The following KANK4 variants were observed in gnomAD, a reference collection of about 807,000 sequenced individuals.
KANK4 encodes the protein KN motif and ankyrin repeat domain-containing protein 4.
In KANK4, 50 loss-of-function variants were observed where a neutral mutation model predicts 80.8. The observed-to-expected ratio is 0.62, with a 90% CI of 0.49 to 0.78. The LOEUF (loss-of-function observed/expected upper bound fraction) is 0.78, where lower values mean the gene tolerates loss of function less well. KANK4 is among the 30% of genes least tolerant of loss of function. The probability of loss-of-function intolerance (pLI) is 0.00; values close to 1 mark genes in which losing one functional copy is unlikely to be tolerated. For synonymous variants in KANK4, 465 were observed against 506.9 expected (o/e 0.92, Z 1.11); for missense variants, 1,196 against 1,240.1 (o/e 0.96, Z 0.53).
chr1:62,306,456 T>G (rs1644451757), intron 1 of KANK4, among the ~76,000 whole-genome samples: 1 of 152,320 alleles, frequency 6.6e-6, no homozygotes, highest in East Asian at 1.9e-4. Context: ...TAAGAATATG[T>G]AGTTACATAT....
chr1:62,248,377 C>CT (rs555727301), intron 8 of KANK4, among the ~76,000 whole-genome samples: 113 of 151,806 alleles, frequency 7.4e-4, no homozygotes, highest in South Asian at 5.2e-3. Context: ...TTTTTCTTTT[C>CT]TTTTTTTTGA....
chr1:62,246,469 G>A (rs1168979771), intron 9 of KANK4, among the ~76,000 whole-genome samples: 1 of 152,212 alleles, frequency 6.6e-6, no homozygotes, highest in Non-Finnish European at 1.5e-5. Context: ...TTATTGCCAT[G>A]ACCAGATGAG....
intron 1 of KANK4, among the ~76,000 whole-genome samples, chr1:62,316,836 T>C (rs954075265): frequency 6.6e-6 from 1 of 152,172 alleles, no homozygotes; most frequent in African/African-American, 2.4e-5. Flanking sequence ...GCCCTGTTTT[T>C]AAGGTGCTCA....
chr1:62,270,960 A>C (rs1672147893), intron 4 of KANK4, among the ~76,000 whole-genome samples: 1 of 152,194 alleles, frequency 6.6e-6, no homozygotes, highest in South Asian at 2.1e-4. Flanking sequence ...ATGTTTGTTG[A>C]ATGACTGATT....
chr1:62,245,670 G>T (rs1187675116), intron 9 of KANK4, among the ~76,000 whole-genome samples: 3 of 152,130 alleles, frequency 2.0e-5, no homozygotes, highest in African/African-American at 7.2e-5. Flanking sequence ...AACATCTCCA[G>T]GCCTGTTTTC....
In KANK4 at chr1:62,247,461, G is replaced by A; in HGVS notation, c.2883+11C>T. ...AGCAACAGCTACTTGTTAATTGCCT[G>A]TAAGTCTCACCTTGTCAGTCAGGCT... On this transcript the variant is annotated intron_variant, in intron 9 of 9. Transcript: ENST00000371153. 6.2e-7 allele frequency: 1 copy of A among 1,613,268 alleles called. No individual in the cohort carries two copies. Among genetic ancestry groups the A allele is most frequent in the Non-Finnish European group, 8.5e-7 (1 of 1,179,750 alleles).
chr1:62,308,507 G>A (rs1259398033), intron 1 of KANK4, among the ~76,000 whole-genome samples: 1 of 152,000 alleles, frequency 6.6e-6, no homozygotes, highest in Admixed American at 6.6e-5. Context: ...TCCTGCTCCT[G>A]ATCTCTCTCC....
intron 1 of KANK4, chr1:62,298,002 G>A (rs528645253): frequency 7.9e-5 from 12 of 152,304 alleles, no homozygotes; most frequent in African/African-American, 2.4e-4. Flanking sequence ...TCTCTAGGCA[G>A]GGCAGGAGGA....
chr1:62,250,235 G>T (rs112116932), intron 8 of KANK4, among the ~76,000 whole-genome samples: 4 of 150,910 alleles, frequency 2.7e-5, no homozygotes, highest in South Asian at 4.2e-4. Context: ...TGATCAGCCC[G>T]CCTCGGCCTC....
Position 62,252,101 on chromosome 1 carries a change from A to G in KANK4, c.2682+966T>C, listed in dbSNP as rs112443669. Among the ~76,000 whole-genome samples the G allele has an allele frequency of 8.0e-3, 1,220 of 152,276 alleles. 10 individuals carry two copies. The highest frequency in any genetic ancestry group is 0.028 in the African/African-American group (1,149 of 41,564). On this transcript the variant is annotated intron_variant, in intron 8 of 9. Coordinates refer to ENST00000371153, the MANE Select transcript of KANK4 (RefSeq NM_181712.5). ...ACTTTGGTAGTGCATGAGTTTCCTG[A>G]CACTGGAGGTCCTGGAGCTGGAGAC...
chr1:62,250,547 AG>A (rs1471717391), intron 8 of KANK4, among the ~76,000 whole-genome samples: 1 of 152,144 alleles, frequency 6.6e-6, no homozygotes, highest in Non-Finnish European at 1.5e-5. Context: ...GTGAAGGCCC[AG>A]GGGGAGCTAA....
chr1:62,273,795 G>A lies in KANK4; in HGVS notation c.1309C>T (p.Leu437=), dbSNP rs1672231661. 1 of 1,614,102 alleles carries A rather than the reference G, an allele frequency of 6.2e-7. No individual in the cohort carries two copies. Among genetic ancestry groups the A allele is most frequent in the South Asian group, 1.1e-5 (1 of 91,066 alleles). Residue 437 remains leucine, a synonymous_variant, in exon 3 of 10, where the codon CTA becomes TTA. Transcript: ENST00000371153. The stretch of plus-strand genomic sequence containing the variant: ...CAGCTTTCAGACTCCATGCTGCCTA[G>A]AAGGTTGACTTCAATGCCCTTATCA... ...SCDKGIEVNL[L]GSMESESWGH...
intron 2 of KANK4, among the ~76,000 whole-genome samples, chr1:62,280,018 C>T (rs1457370841): frequency 6.6e-6 from 1 of 152,030 alleles, no homozygotes; most frequent in Non-Finnish European, 1.5e-5. Flanking sequence ...GGAGGGAGAA[C>T]CACAGTAATT....
intron 1 of KANK4, among the ~76,000 whole-genome samples, chr1:62,290,507 A>G (rs1672656242): frequency 6.6e-6 from 1 of 152,196 alleles, no homozygotes; most frequent in Non-Finnish European, 1.5e-5. Flanking sequence ...ACCGCAGGGG[A>G]TAAGGGATGC....
At chr1:62,262,394 T>G (rs989176028) in intron 7 of KANK4, among the ~76,000 whole-genome samples, 1 of 152,126 alleles carries the variant, frequency 6.6e-6, no homozygotes, top group Non-Finnish European at 1.5e-5. Flanking sequence ...AGAGGGAACT[T>G]TCAACAGTGA....
At chr1:62,278,795 ATT>A (rs1672383157) in intron 2 of KANK4, among the ~76,000 whole-genome samples, 1 of 152,008 alleles carries the variant, frequency 6.6e-6, no homozygotes, top group Non-Finnish European at 1.5e-5. Context: ...AATATCTTGT[ATT>A]TCTCTCCATT....
chr1:62,254,778 G>A (rs1431414121), intron 7 of KANK4, among the ~76,000 whole-genome samples: 2 of 151,706 alleles, frequency 1.3e-5, no homozygotes, highest in Non-Finnish European at 2.9e-5. Flanking sequence ...ATGTTGGTCA[G>A]GCTGGTCTCG....
intron 9 of KANK4, among the ~76,000 whole-genome samples, chr1:62,238,583 G>C (rs1476747176): frequency 4.6e-5 from 7 of 151,496 alleles, no homozygotes; most frequent in Admixed American, 2.6e-4. Flanking sequence ...TGACTCCTGG[G>C]AAATCTGTGA....
intron 4 of KANK4, 83 bp from the exon 5 acceptor site, chr1:62,268,588 G>A (rs542563848): frequency 1.5e-4 from 164 of 1,078,866 alleles, no homozygotes; most frequent in South Asian, 1.3e-3. Context: ...GGTGGGCCTC[G>A]GGTAACACTC....
Sources: gnomAD v4.1 joint callset for allele counts (sites outside exome capture counted in the v4.1 genomes callset) on GRCh38, gnomAD v4.1.1 for gene constraint, MANE v1.5 for transcripts, NCBI Gene and HGNC (gene_info 2026-07-23, HGNC 2026-07-21) for gene names.